The following ARHGEF5 variants were observed in gnomAD, a reference collection of about 807,000 sequenced individuals.
ARHGEF5 encodes Rho guanine nucleotide exchange factor (GEF) 5.
A neutral mutation model predicts 104.0 loss-of-function variants in ARHGEF5; 11 were observed. The observed-to-expected ratio is 0.11, with a 90% CI of 0.07 to 0.18. The LOEUF (loss-of-function observed/expected upper bound fraction) is 0.18. Among genes scored for constraint, ARHGEF5 ranks in the 10% least tolerant of loss-of-function variants. ARHGEF5 has a pLI of 1.00. For synonymous variants in ARHGEF5, 60 were observed against 512.2 expected (o/e 0.12, Z 11.92); for missense variants, 165 against 1,335.4 (o/e 0.12, Z 13.66).
At chr7:144,359,412 T>G (rs1252399826) in intron 1 of ARHGEF5, among the ~76,000 whole-genome samples, 1 of 144,736 alleles carries the variant, frequency 6.9e-6, no homozygotes, top group African/African-American at 2.5e-5. Flanking sequence ...TATTCTTCCG[T>G]CATTCATTCA....
At chr7:144,372,981 C>G (rs1233550863) in intron 9 of ARHGEF5, among the ~76,000 whole-genome samples, 1 of 135,074 alleles carries the variant, frequency 7.4e-6, no homozygotes. Flanking sequence ...CACCATCACC[C>G]CCCCATTCAG....
intron 13 of ARHGEF5, among the ~76,000 whole-genome samples, 157 bp downstream of exon 13, chr7:144,377,347 T>G (rs1406970700): frequency 6.6e-6 from 1 of 152,326 alleles, no homozygotes; most frequent in South Asian, 2.1e-4. Flanking sequence ...CTTAAAAACC[T>G]GAAATATATC....
intron 14 of ARHGEF5, 112 bp downstream of exon 14, chr7:144,378,978 A>T (rs1288390782): frequency 9.5e-7 from 1 of 1,054,902 alleles, no homozygotes; most frequent in Non-Finnish European, 1.4e-6. Context: ...TGGGTGGCTT[A>T]TGGCAACAGA....
Position 144,378,771 on chromosome 7 carries a change from A to G in ARHGEF5, c.4541A>G (p.Gln1514Arg). ...CTCTTCTCTTCCAAAGACTCCCCCC[A>G]GGTACAGTGCCTTCGAGCCTACAAG... The part of the protein sequence containing the change: ...LDLLECYNSP[Q>R]VQCLRAYKPR... Residue 1514 changes from glutamine to arginine, a missense_variant, in exon 14 of 15, where the codon CAG (glutamine) becomes CGG (arginine). Transcript: ENST00000056217. The G allele has an allele frequency of 1.9e-6, 3 of 1,613,716 alleles. No homozygotes were observed. Among genetic ancestry groups the G allele is most frequent in the Non-Finnish European group, 2.5e-6 (3 of 1,179,780 alleles).
chr7:144,378,797 C>T lies in ARHGEF5; in HGVS notation c.4567C>T (p.Pro1523Ser). Residue 1523 changes from proline to serine, a missense_variant, in exon 14 of 15, where the codon CCC (proline) becomes TCC (serine). Transcript: ENST00000056217. ...GGTACAGTGCCTTCGAGCCTACAAG[C>T]CCCGAGAGAATGATGAATTGGCACT... ...PQVQCLRAYK[P>S]RENDELALEK... The T allele has an allele frequency of 1.2e-6, 2 of 1,614,066 alleles. No homozygotes were observed. Among genetic ancestry groups the T allele is most frequent in the Non-Finnish European group, 1.7e-6 (2 of 1,179,972 alleles).
chr7:144,360,520 A>G (rs2053630053), intron 1 of ARHGEF5, among the ~76,000 whole-genome samples: 1 of 91,492 alleles, frequency 1.1e-5, no homozygotes, highest in East Asian at 2.9e-4. Context: ...TTTTAATGAC[A>G]TGTATGCAGG....
Position 144,378,901 on chromosome 7 carries a change from A to G in ARHGEF5, c.4636+35A>G, listed in dbSNP as rs1288639830. 1.9e-6 allele frequency: 3 copies of G among 1,589,550 alleles called. No homozygotes were observed. In the Admixed American group the frequency reaches 5.0e-5, roughly 27 times the overall value. On this transcript the variant is annotated intron_variant, in intron 14 of 14. Transcript: ENST00000056217. ...AGCATGCGTGAGCAGCAGGCCAGGC[A>G]CTGCAGGCAGGGCAGTGCTGGGAGT...
Position 144,378,921 on chromosome 7 carries a change from G to A in ARHGEF5, c.4636+55G>A, listed in dbSNP as rs1169391028. The A allele has an allele frequency of 3.3e-6, 5 of 1,526,128 alleles. No homozygotes were observed. The East Asian group carries it at 9.0e-5, about 28-fold the overall frequency. 94.5% of individuals were successfully genotyped at this position (1,526,128 alleles called of 1,614,324 possible). A position where few individuals can be genotyped will look rare whatever the true frequency, so the allele number is the denominator to read the frequency against. On this transcript the variant is annotated intron_variant, in intron 14 of 14. Transcript: ENST00000056217. The stretch of plus-strand genomic sequence containing the variant: ...CAGGCACTGCAGGCAGGGCAGTGCT[G>A]GGAGTGTGTTCACTTCCTGCAGCTG...
At chr7:144,377,025 A>G (rs2053766050) in intron 12 of ARHGEF5, 95 bp from the exon 13 acceptor site, 2 of 618,832 alleles carry the variant, frequency 3.2e-6, no homozygotes, top group Non-Finnish European at 5.5e-6. Context: ...TCATGGAACT[A>G]GATAAGTCCT....
In ARHGEF5 at chr7:144,380,054, TA is replaced by T; in HGVS notation, c.4794del (p.Ter1598=). On this transcript the variant is annotated frameshift_variant and stop_lost, in exon 15 of 15. Coordinates refer to ENST00000056217, the MANE Select transcript of ARHGEF5 (RefSeq NM_005435.4). LOFTEE classifies it high-confidence loss of function. ...AKLQLVEQQA[*>X] ...ACTACAGCTGGTGGAACAGCAAGCC[TA>T]AGTCTTCTCTGAGAGGAGTTTCGTG... The T allele has an allele frequency of 6.2e-7, 1 of 1,614,154 alleles. No individual in the cohort carries two copies. Among genetic ancestry groups the T allele is most frequent in the Non-Finnish European group, 8.5e-7 (1 of 1,180,014 alleles).
Position 144,361,092 on chromosome 7 carries a change from G to C in ARHGEF5, c.-12-1566G>C, listed in dbSNP as rs555808397. Among the ~76,000 whole-genome samples the C allele has an allele frequency of 5.6e-5, 8 of 143,268 alleles. No homozygotes were observed. The East Asian group carries it at 1.6e-3, about 29-fold the overall frequency. 94.0% of individuals were successfully genotyped at this position (143,268 alleles called of 152,430 possible). On this transcript the variant is annotated intron_variant, in intron 1 of 14. Coordinates refer to ENST00000056217, the MANE Select transcript of ARHGEF5 (RefSeq NM_005435.4). ...AAAGTACAAAAATTAGCTGGGTGTG[G>C]TGGCACACACCTATAGTCCCAGCTA...
chr7:144,378,824 G>C lies in ARHGEF5; in HGVS notation c.4594G>C (p.Glu1532Gln). The change falls in exon 14 of 15, where the codon GAG (glutamate) becomes CAG (glutamine). Residue 1532 changes from glutamate to glutamine, a missense_variant. By Grantham distance (29) the Glu-to-Gln change is conservative (BLOSUM62 2). Transcript: ENST00000056217. ...KPRENDELAL[E>Q]KADVVMVTQQ... is the part of the protein sequence containing the mutation. ...CCGAGAGAATGATGAATTGGCACTG[G>C]AGAAAGCCGACGTGGTGATGGTGAC... is the stretch of plus-strand genomic sequence containing the variant. The C allele has an allele frequency of 1.9e-6, 3 of 1,614,116 alleles. No homozygotes were observed. The highest frequency in any genetic ancestry group is 2.5e-6 in the Non-Finnish European group (3 of 1,180,014).
At chr7:144,379,827 C>T (rs2053787816) in intron 14 of ARHGEF5, 72 bp from the exon 15 acceptor site, 8 of 1,585,910 alleles carry the variant, frequency 5.0e-6, no homozygotes, top group East Asian at 2.2e-5. Flanking sequence ...GAAAACTCTC[C>T]AGGAAGGTGA....
At chr7:144,357,723 G>A (rs1461203747) in intron 1 of ARHGEF5, among the ~76,000 whole-genome samples, 5 of 151,926 alleles carry the variant, frequency 3.3e-5, no homozygotes, top group African/African-American at 1.2e-4. Context: ...GAGCTAAGGT[G>A]TTGGGGGGGG....
chr7:144,378,995 T>C, intron 14 of ARHGEF5, 129 bp downstream of exon 14: 1 of 881,052 alleles, frequency 1.1e-6, no homozygotes, highest in East Asian at 2.6e-5. Flanking sequence ...CAGAAATGCA[T>C]TCTCTCACAG....
intron 13 of ARHGEF5, among the ~76,000 whole-genome samples, 179 bp from the exon 14 acceptor site, chr7:144,378,583 A>C (rs1195163310): frequency 2.0e-5 from 3 of 152,076 alleles, no homozygotes; most frequent in Non-Finnish European, 2.9e-5. Context: ...GGTCCATTTC[A>C]TTTCTGGTAT....
chr7:144,379,251 G>T (rs1563121071), intron 14 of ARHGEF5, among the ~76,000 whole-genome samples: 1 of 152,002 alleles, frequency 6.6e-6, no homozygotes, highest in African/African-American at 2.4e-5. Flanking sequence ...ACAGAGTCTT[G>T]CTCTGTTGCC....
rs377472423 is a variant in ARHGEF5 at position 144,373,202 on chromosome 7, G to A, written c.4058G>A (p.Arg1353Gln). Residue 1353 changes from arginine (R) to glutamine (Q), a missense_variant, in exon 10 of 15, where the codon CGG becomes CAG. Physicochemically the swap from Arg to Gln is conservative, Grantham distance 43. Coordinates refer to ENST00000056217, the MANE Select transcript of ARHGEF5 (RefSeq NM_005435.4). ...KAHHALEQLIRDCNNNVQSMR... is the reference protein window; with the variant it reads ...KAHHALEQLIQDCNNNVQSMR... ...CACTCTCTGCACCCCTAGCTGATCC[G>A]GGACTGCAATAACAATGTCCAGAGT... 3.6e-5 allele frequency: 52 copies of A among 1,436,288 alleles called. 1 individual carries two copies. In the East Asian group the frequency reaches 6.7e-4, roughly 18 times the overall value. 89.0% of individuals were successfully genotyped at this position (1,436,288 alleles called of 1,614,324 possible).
At chr7:144,379,787 G>C (rs1255759799) in intron 14 of ARHGEF5, 112 bp from the exon 15 acceptor site, 3 of 1,393,522 alleles carry the variant, frequency 2.2e-6, no homozygotes, top group East Asian at 2.3e-5. Context: ...TATGCTGGAG[G>C]CTCCCCAGTT....
Sources: gnomAD v4.1 joint callset for allele counts (sites outside exome capture counted in the v4.1 genomes callset) on GRCh38, gnomAD v4.1.1 for gene constraint, MANE v1.5 for transcripts, NCBI Gene and HGNC (gene_info 2026-07-23, HGNC 2026-07-21) for gene names.